Variants in CCDC7 observed in about 807,000 individuals in gnomAD.
The protein encoded by CCDC7 is coiled-coil domain-containing protein 7.
In CCDC7, 183 loss-of-function variants were observed where a neutral mutation model predicts 196.9. That is an observed-to-expected ratio of 0.93 (90% CI 0.82 to 1.05). The LOEUF is 1.05. Among genes scored for constraint, CCDC7 ranks in the 50% least tolerant of loss-of-function variants. The probability of loss-of-function intolerance (pLI) is 0.00; values close to 1 mark genes in which losing one functional copy is unlikely to be tolerated. For synonymous variants in CCDC7, 525 were observed against 484.6 expected (o/e 1.08, Z -1.10); for missense variants, 1,540 against 1,482.2 (o/e 1.04, Z -0.64).
intron 25 of CCDC7, among the ~76,000 whole-genome samples, chr10:32,713,596 C>T (rs1304493623): frequency 1.3e-5 from 2 of 152,260 alleles, no homozygotes; most frequent in African/African-American, 4.8e-5. Context: ...GAAAATAGCA[C>T]TCATACTGTT....
At chr10:32,443,746 CTTAT>C (rs1255116988), upstream of CCDC7, among the ~76,000 whole-genome samples, 1 of 151,806 alleles carries the variant, frequency 6.6e-6, no homozygotes, top group Non-Finnish European at 1.5e-5. Flanking sequence ...TAAATATTTG[CTTAT>C]TTTTTTCAAG....
At chr10:32,768,111 C>G (rs935927226) in intron 28 of CCDC7, among the ~76,000 whole-genome samples, 1 of 151,938 alleles carries the variant, frequency 6.6e-6, no homozygotes, top group Non-Finnish European at 1.5e-5. Flanking sequence ...GATTGTATGG[C>G]TATTTAAATA....
At chr10:32,657,271 G>T (rs1368871031) in intron 20 of CCDC7, among the ~76,000 whole-genome samples, 1 of 152,186 alleles carries the variant, frequency 6.6e-6, no homozygotes, top group African/African-American at 2.4e-5. Context: ...GCCCCAGTGG[G>T]GACTCTGTGT....
At chr10:32,805,212 T>C in intron 30 of CCDC7, 114 bp downstream of exon 31, 1 of 709,162 alleles carries the variant, frequency 1.4e-6, no homozygotes, top group Non-Finnish European at 2.5e-6. Flanking sequence ...GGGCACAGGT[T>C]CTCATGAATA....
intron 18 of CCDC7, among the ~76,000 whole-genome samples, chr10:32,625,706 A>G (rs915043719): frequency 6.6e-6 from 1 of 152,066 alleles, no homozygotes; most frequent in African/African-American, 2.4e-5. Flanking sequence ...GAGATTTTAT[A>G]CTTTTTGACA....
exon 42 of CCDC7, chr10:32,876,363 C>T (rs2094597635): frequency 6.2e-7 from 1 of 1,610,468 alleles, no homozygotes; most frequent in Admixed American, 1.7e-5. Context: ...ATGCTGCTGC[C>T]CGAAAATCTG....
At chr10:32,688,022 A>G (rs2076659325) in intron 22 of CCDC7, among the ~76,000 whole-genome samples, 1 of 152,198 alleles carries the variant, frequency 6.6e-6, no homozygotes, top group Non-Finnish European at 1.5e-5. Flanking sequence ...CTTTCAGAGA[A>G]CAAATGATAG....
intron 41 of CCDC7, among the ~76,000 whole-genome samples, chr10:32,861,233 A>G (rs2136485863): frequency 6.6e-6 from 1 of 152,160 alleles, no homozygotes; most frequent in Non-Finnish European, 1.5e-5. Context: ...TATATAGACC[A>G]ATGGAACAGA....
In CCDC7 at chr10:32,765,894, G is replaced by A. The variant is rs535020800; in HGVS notation, c.2906-13083G>A. Reference sequence around the variant, plus strand: ...TTGCTTTATTTTCTGCTTTCCTATAGTGAAGAAGCAGTTTTCTTTTAGCTG... The same window carrying A: ...TTGCTTTATTTTCTGCTTTCCTATAATGAAGAAGCAGTTTTCTTTTAGCTG... On this transcript the variant is annotated intron_variant, in intron 28 of 41. Transcript: ENST00000639629. 1.4e-3 allele frequency among the ~76,000 whole-genome samples: 216 copies of A among 152,124 alleles called. 1 individual carries two copies. Among genetic ancestry groups the A allele is most frequent in the African/African-American group, 4.9e-3 (205 of 41,552 alleles).
At chr10:32,869,408 A>G (rs908838394) in intron 41 of CCDC7, among the ~76,000 whole-genome samples, 1 of 151,726 alleles carries the variant, frequency 6.6e-6, no homozygotes, top group African/African-American at 2.4e-5. Context: ...CCACTTTTTG[A>G]TGGGGTTGTT....
At chr10:32,566,639 C>T (rs2056831718) in intron 14 of CCDC7, among the ~76,000 whole-genome samples, 1 of 151,764 alleles carries the variant, frequency 6.6e-6, no homozygotes, top group Non-Finnish European at 1.5e-5. Context: ...GGCTGGGCAT[C>T]ATGGTTCATG....
chr10:32,446,031 G>T (rs967550509), upstream of CCDC7: 1 of 152,182 alleles, frequency 6.6e-6, no homozygotes, highest in Admixed American at 6.5e-5. Context: ...CCCCACAGCC[G>T]CCAAACTGCG....
chr10:32,483,708 A>G (rs1352709522), intron 8 of CCDC7, among the ~76,000 whole-genome samples: 1 of 152,182 alleles, frequency 6.6e-6, no homozygotes, highest in Non-Finnish European at 1.5e-5. Flanking sequence ...TCAGCTTTCT[A>G]CATATGGCCA....
At chr10:32,709,168 G>A (rs539550420) in intron 24 of CCDC7, among the ~76,000 whole-genome samples, 21 of 152,170 alleles carry the variant, frequency 1.4e-4, no homozygotes, top group Admixed American at 1.1e-3. Flanking sequence ...CATGTCCTTT[G>A]TAGGGACATG....
chr10:32,843,496 A>G (rs1419213412), intron 33 of CCDC7, among the ~76,000 whole-genome samples: 2 of 152,058 alleles, frequency 1.3e-5, no homozygotes, highest in South Asian at 2.1e-4. Context: ...TTACATAGGC[A>G]TATAGCATGG....
At chr10:32,618,124 C>T (rs1178651055) in intron 18 of CCDC7, among the ~76,000 whole-genome samples, 1 of 151,678 alleles carries the variant, frequency 6.6e-6, no homozygotes, top group East Asian at 1.9e-4. Flanking sequence ...CTATATGTGT[C>T]TTTATAGGTA....
chr10:32,666,656 T>C (rs1196677262), intron 21 of CCDC7, among the ~76,000 whole-genome samples: 2 of 151,998 alleles, frequency 1.3e-5, no homozygotes, highest in Non-Finnish European at 2.9e-5. Context: ...GATAGTTTGC[T>C]GAGAATGATG....
chr10:32,648,722 G>C (rs1378836127), intron 20 of CCDC7, among the ~76,000 whole-genome samples: 27 of 152,050 alleles, frequency 1.8e-4, no homozygotes, highest in Admixed American at 1.8e-3. Flanking sequence ...AACTTGAGAT[G>C]GTATCTCATT....
chr10:32,772,946 T>C (rs2079401219), intron 28 of CCDC7, among the ~76,000 whole-genome samples: 1 of 152,190 alleles, frequency 6.6e-6, no homozygotes, highest in Non-Finnish European at 1.5e-5. Context: ...TTGGTTTTCC[T>C]GTTCAGGTTC....
Sources: gnomAD v4.1 joint callset for allele counts (sites outside exome capture counted in the v4.1 genomes callset) on GRCh38, gnomAD v4.1.1 for gene constraint, MANE v1.5 for transcripts, NCBI Gene and HGNC (gene_info 2026-07-23, HGNC 2026-07-21) for gene names.